The following ARFGEF3 variants were observed in gnomAD, a reference collection of about 807,000 sequenced individuals.
ARFGEF3 encodes brefeldin A-inhibited guanine nucleotide-exchange protein 3.
Under a neutral mutation model 221.7 loss-of-function variants are expected in ARFGEF3, and 96 were observed. That is an observed-to-expected ratio of 0.43 (90% CI 0.37 to 0.51). The LOEUF (loss-of-function observed/expected upper bound fraction) is 0.51, where lower values mean the gene tolerates loss of function less well. Among genes scored for constraint, ARFGEF3 ranks in the 20% least tolerant of loss-of-function variants. The pLI is 0.00. For synonymous variants in ARFGEF3, 1,145 were observed against 1,126.8 expected (o/e 1.02, Z -0.32); for missense variants, 2,410 against 2,789.9 (o/e 0.86, Z 3.07).
intron 33 of ARFGEF3, among the ~76,000 whole-genome samples, chr6:138,336,006 TTTG>T (rs149097892): frequency 0.063 from 9,077 of 144,374 alleles, 417 homozygotes; most frequent in African/African-American, 0.13. Context: ...GCAAGGGAGG[TTTG>T]TTGTTGTTGT....
chr6:138,307,461 T>TAAA, intron 23 of ARFGEF3, 64 bp downstream of exon 23: 11 of 1,247,026 alleles, frequency 8.8e-6, no homozygotes, highest in South Asian at 1.5e-5. Context: ...TTCATGCTAT[T>TAAA]AAAAAAAAAA....
chr6:138,180,933 C>G (rs1001492311), intron 2 of ARFGEF3, among the ~76,000 whole-genome samples: 3 of 152,192 alleles, frequency 2.0e-5, no homozygotes, highest in African/African-American at 7.2e-5. Context: ...TCTAGTTTCT[C>G]TTTTTCCTTT....
chr6:138,324,061 C>T lies in ARFGEF3; in HGVS notation c.4908C>T (p.Phe1636=). ...LGCFHSGTES[F]SGEGCQVRVA... ...GCTTCCACAGCGGCACGGAGAGCTT[C>T]AGCGGGGAAGGCTGCCAGGTGCGAG... Residue 1636 remains phenylalanine, a synonymous_variant, in exon 31 of 34, where the codon TTC becomes TTT. Transcript: ENST00000251691. 1 of 1,613,968 alleles carries T rather than the reference C, an allele frequency of 6.2e-7. No individual in the cohort carries two copies. The highest frequency in any genetic ancestry group is 8.5e-7 in the Non-Finnish European group (1 of 1,179,892).
chr6:138,336,465 T>C lies in ARFGEF3; in HGVS notation c.6513T>C (p.Arg2171=), dbSNP rs1317686695. The stretch of plus-strand genomic sequence containing the variant: ...GGGAGTGGCTGGGCAGGGTGGGCCG[T>C]GTCTATGACATCATTGTGTAGCCGA... ...AVREWLGRVG[R]VYDIIV Residue 2171 remains arginine (R), a synonymous_variant, in exon 34 of 34, where the codon CGT becomes CGC. Coordinates refer to ENST00000251691, the MANE Select transcript of ARFGEF3 (RefSeq NM_020340.5). 2 of 1,609,906 alleles carry C rather than the reference T, an allele frequency of 1.2e-6. No homozygotes were observed. The highest frequency in any genetic ancestry group is 2.7e-5 in the African/African-American group (2 of 74,794).
chr6:138,187,263 T>A (rs1777208117), intron 2 of ARFGEF3, among the ~76,000 whole-genome samples: 1 of 152,186 alleles, frequency 6.6e-6, no homozygotes, highest in Non-Finnish European at 1.5e-5. Flanking sequence ...CCTAGAGCCT[T>A]GTGGATAGAA....
At chr6:138,189,842 G>A (rs1203467218) in intron 2 of ARFGEF3, among the ~76,000 whole-genome samples, 3 of 152,136 alleles carry the variant, frequency 2.0e-5, no homozygotes, top group Admixed American at 6.5e-5. Flanking sequence ...CACTTTAGGA[G>A]GCCGAGGAGG....
At chr6:138,272,142 C>CATTTATTTATTTATTT (rs6149826) in intron 12 of ARFGEF3, among the ~76,000 whole-genome samples, 18,357 of 148,654 alleles carry the variant, frequency 0.12, 1,507 homozygotes, top group African/African-American at 0.22. Flanking sequence ...TAGCAGATGC[C>CATTTATTTATTTATTT]ATTTATTTAT....
chr6:138,251,248 G>A (rs1042233650), intron 8 of ARFGEF3, among the ~76,000 whole-genome samples: 1 of 152,178 alleles, frequency 6.6e-6, no homozygotes, highest in African/African-American at 2.4e-5. Flanking sequence ...AATGATTTCA[G>A]AAATTGAGAG....
At chr6:138,278,081 G>T (rs1053944184) in intron 12 of ARFGEF3, among the ~76,000 whole-genome samples, 1 of 152,194 alleles carries the variant, frequency 6.6e-6, no homozygotes, top group African/African-American at 2.4e-5. Context: ...GGAGGGTGAG[G>T]TTGGAGTTTT....
intron 2 of ARFGEF3, among the ~76,000 whole-genome samples, chr6:138,195,161 T>C (rs9321650): frequency 0.22 from 33,729 of 151,142 alleles, 5,671 homozygotes; most frequent in African/African-American, 0.46. Context: ...CACCACCACA[T>C]GCAGCCAATT....
rs921333415 is a variant in ARFGEF3, at chr6:138,174,511, A to G, written c.137+3798A>G. ...AAAAAAAAAAAAAAAAAAAAAATCC[A>G]GGCACTGTAAATATTTGTCTGCTCA... On this transcript the variant is annotated intron_variant, in intron 2 of 33. Coordinates refer to ENST00000251691, the MANE Select transcript of ARFGEF3 (RefSeq NM_020340.5). Among the ~76,000 whole-genome samples the G allele has an allele frequency of 1.5e-4, 20 of 137,002 alleles. No individual in the cohort carries two copies. In the East Asian group the frequency reaches 3.7e-3, roughly 25 times the overall value. 89.9% of individuals were successfully genotyped at this position (137,002 alleles called of 152,430 possible).
rs1348446504 is a variant in ARFGEF3, at chr6:138,342,419, A to G, written c.*5933A>G. The G allele has an allele frequency of 2.6e-5, 4 of 152,200 alleles. No homozygotes were observed. Among genetic ancestry groups the G allele is most frequent in the African/African-American group, 9.6e-5 (4 of 41,456 alleles). 9.4% of individuals were successfully genotyped at this position (152,200 alleles called of 1,614,324 possible). A position where few individuals can be genotyped will look rare whatever the true frequency, so the allele number is the denominator to read the frequency against. On this transcript the variant is annotated 3_prime_UTR_variant, in exon 34 of 34. Transcript: ENST00000251691. The stretch of plus-strand genomic sequence containing the variant: ...GGCAGATGACTTGGGATTGGATTCT[A>G]TACAGCAGTCTTGCTCAATCTTCCC...
intron 6 of ARFGEF3, among the ~76,000 whole-genome samples, chr6:138,238,962 A>C (rs1778344053): frequency 6.6e-6 from 1 of 152,204 alleles, no homozygotes; most frequent in African/African-American, 2.4e-5. Flanking sequence ...GTAAATTTGA[A>C]ATTAAGAAAA....
intron 9 of ARFGEF3, 71 bp from the exon 10 acceptor site, chr6:138,255,365 T>C: frequency 9.0e-7 from 1 of 1,106,866 alleles, no homozygotes; most frequent in Non-Finnish European, 1.3e-6. Context: ...CTATGGCATC[T>C]GTTTACTCGC....
rs1780077376 is a variant in ARFGEF3 at position 138,323,704 on chromosome 6, TGAG to T, written c.4804_4806del (p.Glu1602del). ...TTGTGACAGCGGGCCCTGTGTTCACTGAGGAGATGTGGAGGCTTGCCTGCTGTG... is the reference window on the plus strand; with the variant it reads ...TTGTGACAGCGGGCCCTGTGTTCACTGAGATGTGGAGGCTTGCCTGCTGTG... On this transcript the variant is annotated inframe_deletion, in exon 30 of 34. Coordinates refer to ENST00000251691, the MANE Select transcript of ARFGEF3 (RefSeq NM_020340.5). 6.2e-7 allele frequency: 1 copy of T among 1,613,982 alleles called. No homozygotes were observed. The highest frequency in any genetic ancestry group is 8.5e-7 in the Non-Finnish European group (1 of 1,179,862).
intron 12 of ARFGEF3, among the ~76,000 whole-genome samples, chr6:138,273,117 A>G (rs1779033677): frequency 1.3e-5 from 2 of 152,256 alleles, no homozygotes; most frequent in Non-Finnish European, 2.9e-5. Flanking sequence ...ACAGTTTGAC[A>G]TATGTAGTGT....
chr6:138,278,721 T>C, intron 13 of ARFGEF3, 104 bp downstream of exon 13: 2 of 1,237,232 alleles, frequency 1.6e-6, no homozygotes, highest in Non-Finnish European at 2.3e-6. Context: ...CGTGTTTTGT[T>C]CCAGACTGCT....
Position 138,261,513 on chromosome 6 carries a change from C to T in ARFGEF3, c.1105-14C>T, listed in dbSNP as rs1778793734. On this transcript the variant is annotated splice_polypyrimidine_tract_variant and intron_variant, in intron 10 of 33. Transcript: ENST00000251691. Reference sequence around the variant, plus strand: ...TATTCACTTTTCTGTTACTCTTTTACCTTTTTCTTTAAGATACTTGGGAGC... The same window carrying T: ...TATTCACTTTTCTGTTACTCTTTTATCTTTTTCTTTAAGATACTTGGGAGC... The T allele has an allele frequency of 2.7e-6, 4 of 1,499,684 alleles. No homozygotes were observed. The highest frequency in any genetic ancestry group is 3.6e-6 in the Non-Finnish European group (4 of 1,111,984). 92.9% of individuals were successfully genotyped at this position (1,499,684 alleles called of 1,614,324 possible).
chr6:138,254,467 A>G (rs987169021), intron 9 of ARFGEF3, among the ~76,000 whole-genome samples: 1 of 151,612 alleles, frequency 6.6e-6, no homozygotes, highest in Non-Finnish European at 1.5e-5. Context: ...GCCGGGCCCA[A>G]TGGCTCACGC....
Sources: allele counts gnomAD v4.1 joint callset (sites outside exome capture counted in the v4.1 genomes callset), GRCh38; gene constraint gnomAD v4.1.1; transcripts MANE v1.5; gene names NCBI Gene and HGNC (gene_info 2026-07-23, HGNC 2026-07-21).